Variants in ANKRD17 observed in about 807,000 individuals in gnomAD.
ANKRD17 encodes the protein ankyrin repeat domain 17.
A neutral mutation model predicts 229.7 loss-of-function variants in ANKRD17; 19 were observed. The ratio of observed to expected loss-of-function variants is 0.08; its 90% CI spans 0.06 to 0.12. The LOEUF is 0.12. ANKRD17 is among the 10% of genes least tolerant of loss of function. ANKRD17 has a pLI of 1.00. For synonymous variants in ANKRD17, 1,112 were observed against 1,146.1 expected, an observed-to-expected ratio of 0.97 and a Z score of 0.60; for missense variants, 2,176 against 3,176.8, an observed-to-expected ratio of 0.68 and a Z score of 7.57.
chr4:73,124,874 C>A (rs549482816), intron 18 of ANKRD17, 39 bp downstream of exon 18: 2 of 1,597,164 alleles, frequency 1.3e-6, no homozygotes, highest in Non-Finnish European at 1.7e-6. Context: ...ATTTGCTAAA[C>A]AGAGAAAGGA....
intron 29 of ANKRD17, 23 bp from the exon 30 acceptor site, chr4:73,085,469 A>G: frequency 6.3e-7 from 1 of 1,584,818 alleles, no homozygotes; most frequent in Non-Finnish European, 8.7e-7. Flanking sequence ...AGGTCATCAT[A>G]ATTTATAATA....
rs975087911 is a variant in ANKRD17, at chr4:73,073,802, T to C, written c.*2429A>G. 1 of 152,024 alleles carries C rather than the reference T, an allele frequency of 6.6e-6. No individual in the cohort carries two copies. The highest frequency in any genetic ancestry group is 1.5e-5 in the Non-Finnish European group (1 of 67,880). The allele number at this position is 152,024 out of a possible 1,614,324, so 9.4% of individuals were successfully genotyped here. On this transcript the variant is annotated 3_prime_UTR_variant, in exon 34 of 34. Coordinates refer to ENST00000358602, the MANE Select transcript of ANKRD17 (RefSeq NM_032217.5). ...GTGGAATTTTGTTGGGAATGGATGG[T>C]ATAAACTGATTATACAATAATTGAG... is the stretch of plus-strand genomic sequence containing the variant.
intron 1 of ANKRD17, among the ~76,000 whole-genome samples, chr4:73,255,748 A>C (rs2149292610): frequency 6.6e-6 from 1 of 151,534 alleles, no homozygotes; most frequent in East Asian, 1.9e-4. Context: ...TTTGAGACAG[A>C]GTCTCGTTCT....
In ANKRD17 at chr4:73,085,439, G is replaced by T; in HGVS notation, c.6969C>A (p.Val2323=). The change falls in exon 30 of 34, where the codon GTC becomes GTA. Residue 2323 remains valine (V), a synonymous_variant. Transcript: ENST00000358602. ...CAGAACCATATGGCGAGTCCATATT[G>T]ACAATACCTATAATGTAGAAGGTCA... ...QRPAPSPSGI[V]NMDSPYGSVT... 1 of 1,612,852 alleles carries T rather than the reference G, an allele frequency of 6.2e-7. No homozygotes were observed. Among genetic ancestry groups the T allele is most frequent in the South Asian group, 1.1e-5 (1 of 91,030 alleles).
Position 73,097,213 on chromosome 4 carries a change from C to A in ANKRD17, c.5081G>T (p.Gly1694Val), listed in dbSNP as rs754741722. The A allele has an allele frequency of 4.3e-6, 7 of 1,611,868 alleles. No individual in the cohort carries two copies. Among genetic ancestry groups the A allele is most frequent in the South Asian group, 3.3e-5 (3 of 90,612 alleles). Residue 1694 changes from glycine (G) to valine (V), a missense_variant, in exon 27 of 34, where the codon GGT (glycine) becomes GTT (valine). Coordinates refer to ENST00000358602, the MANE Select transcript of ANKRD17 (RefSeq NM_032217.5). ...ATTTGGAGAAGAAAGGGGAGATGGA[C>A]CAGATTTTGTACAAGTAGATAGAGA... ...SNSLSTCTKSGPSPLSSPNGK... is the reference protein window; with the variant it reads ...SNSLSTCTKSVPSPLSSPNGK...
rs574210716 is a variant in ANKRD17 at position 73,110,111 on chromosome 4, G to A, written c.4401+3681C>T. On this transcript the variant is annotated intron_variant, in intron 24 of 33. Coordinates refer to ENST00000358602, the MANE Select transcript of ANKRD17 (RefSeq NM_032217.5). ...GAAAAAAACTAAAATGAAGTGAAGG[G>A]GGTGAAATAATTATATCAAAAATGT... Among the ~76,000 whole-genome samples, 219 of 151,798 alleles carry A rather than the reference G, an allele frequency of 1.4e-3. 2 individuals carry two copies. The highest frequency in any genetic ancestry group is 5.0e-3 in the African/African-American group (206 of 41,388).
At position 73,161,322 on chromosome 4, in the gene ANKRD17, C is replaced by T; in HGVS notation, c.574G>A (p.Gly192Ser). ...AGIGKLSTAD[G>S]KAFADPEVLR... ...ACTTCAGGATCTGCAAAGGCTTTAC[C>T]ATCAGCCGTGGACAATTTTCCTATT... Residue 192 changes from glycine (G) to serine (S), a missense_variant, in exon 3 of 34, where the codon GGT becomes AGT. Physicochemically the swap from Gly to Ser is moderately conservative, Grantham distance 56. Transcript: ENST00000358602. 1.2e-6 allele frequency: 2 copies of T among 1,614,180 alleles called. No individual in the cohort carries two copies. Among genetic ancestry groups the T allele is most frequent in the Non-Finnish European group, 1.7e-6 (2 of 1,180,034 alleles).
chr4:73,137,974 T>C (rs1393507451), intron 15 of ANKRD17, among the ~76,000 whole-genome samples: 3 of 152,050 alleles, frequency 2.0e-5, no homozygotes, highest in Admixed American at 6.5e-5. Flanking sequence ...TGATATTATA[T>C]AAAAAAAATT....
At chr4:73,164,548 T>A (rs1162798300) in intron 2 of ANKRD17, among the ~76,000 whole-genome samples, 1 of 152,198 alleles carries the variant, frequency 6.6e-6, no homozygotes, top group African/African-American at 2.4e-5. Flanking sequence ...ACGCCTGTAA[T>A]CCTACTACTT....
chr4:73,140,551 T>G (rs559544899), intron 14 of ANKRD17, among the ~76,000 whole-genome samples: 2 of 152,322 alleles, frequency 1.3e-5, no homozygotes, highest in African/African-American at 2.4e-5. Flanking sequence ...GAATGCAGGT[T>G]TGTGATATCT....
Position 73,142,355 on chromosome 4 carries a change from T to G in ANKRD17, c.2116A>C (p.Lys706Gln). 2 of 1,587,774 alleles carry G rather than the reference T, an allele frequency of 1.3e-6. No individual in the cohort carries two copies. The highest frequency in any genetic ancestry group is 1.7e-6 in the Non-Finnish European group (2 of 1,174,316). ...DGSTMLIEAA[K>Q]GGHTSVVCYL... ...CAAACAACACTTGTATGGCCACCTT[T>G]TGCTGCTTCTATCAACATAGTTGAG... is the stretch of plus-strand genomic sequence containing the variant. The change falls in exon 13 of 34, where the codon AAA becomes CAA. Residue 706 changes from lysine (K) to glutamine (Q), a missense_variant. Lys to Gln is a moderately conservative substitution (Grantham distance 53, BLOSUM62 1). This residue lies in a region of ANKRD17 where 275 missense variants were observed against 386.9 expected (regional missense o/e 0.71). Transcript: ENST00000358602.
intron 1 of ANKRD17, among the ~76,000 whole-genome samples, chr4:73,241,057 C>T (rs1743984913): frequency 6.6e-6 from 1 of 152,048 alleles, no homozygotes; most frequent in Non-Finnish European, 1.5e-5. Context: ...GCAACCCGCC[C>T]ACCTCGGCTT....
intron 25 of ANKRD17, among the ~76,000 whole-genome samples, chr4:73,100,355 G>A (rs567304182): frequency 3.0e-4 from 46 of 152,040 alleles, no homozygotes; most frequent in African/African-American, 8.2e-4. Flanking sequence ...ACCATAAAGG[G>A]TGTAGGGACC....
At chr4:73,200,988 G>T (rs983418368) in intron 1 of ANKRD17, among the ~76,000 whole-genome samples, 636 of 22,394 alleles carry the variant, frequency 0.028, 5 homozygotes, top group Non-Finnish European at 0.035. Flanking sequence ...CAGTATGGGC[G>T]GGGGGGGGGG....
intron 1 of ANKRD17, among the ~76,000 whole-genome samples, chr4:73,239,400 T>G (rs1743803908): frequency 6.6e-6 from 1 of 152,100 alleles, no homozygotes; most frequent in African/African-American, 2.4e-5. Context: ...AAAATTTCCA[T>G]AAACTGGAAA....
At chr4:73,086,919 A>AATATATATATATATATAT (rs61024099) in intron 29 of ANKRD17, among the ~76,000 whole-genome samples, 19 of 12,452 alleles carry the variant, frequency 1.5e-3, no homozygotes, top group African/African-American at 2.6e-3. Flanking sequence ...AAAAAAAAAA[A>AATATATATATATATATAT]ATATATATAT....
At position 73,113,962 on chromosome 4, in the gene ANKRD17, G is replaced by GAA. The variant is rs1725624901; in HGVS notation, c.4285-56_4285-55dup. 3.4e-5 allele frequency: 44 copies of GAA among 1,301,222 alleles called. 1 individual carries two copies. The South Asian group carries it at 5.6e-4, about 17-fold the overall frequency. The allele number at this position is 1,301,222 out of a possible 1,614,324, so 80.6% of individuals were successfully genotyped here. ...GCTCACAGAACAATTCTCACTTAGA[G>GAA]AAATTCCTAAAAACACGAAGATCTT... On this transcript the variant is annotated intron_variant, in intron 23 of 33. Coordinates refer to ENST00000358602, the MANE Select transcript of ANKRD17 (RefSeq NM_032217.5).
At chr4:73,214,319 G>A (rs1244021405) in intron 1 of ANKRD17, among the ~76,000 whole-genome samples, 1 of 152,134 alleles carries the variant, frequency 6.6e-6, no homozygotes, top group Non-Finnish European at 1.5e-5. Context: ...AAGCAGACTT[G>A]TCTAAATCTT....
At chr4:73,229,761 G>T (rs1387867890) in intron 1 of ANKRD17, among the ~76,000 whole-genome samples, 1 of 151,800 alleles carries the variant, frequency 6.6e-6, no homozygotes, top group Non-Finnish European at 1.5e-5. Context: ...ATATTTAATG[G>T]GTTTTTTAAC....
Sources: allele counts gnomAD v4.1 joint callset (sites outside exome capture counted in the v4.1 genomes callset), GRCh38; gene constraint gnomAD v4.1.1; regional missense constraint gnomAD v4.1.1; transcripts MANE v1.5; gene names NCBI Gene and HGNC (gene_info 2026-07-23, HGNC 2026-07-21).